XKR9: variants seen among roughly 807,000 people sequenced by gnomAD.
XKR9 encodes XK-related protein 9.
XKR9 carries 32 observed loss-of-function variants against 32.0 expected under a neutral mutation model. The ratio of observed to expected loss-of-function variants is 1.00; its 90% CI spans 0.76 to 1.34. The LOEUF (loss-of-function observed/expected upper bound fraction) is 1.34, where lower values mean the gene tolerates loss of function less well. Ranked by LOEUF, XKR9 falls within the 40% of genes most tolerant of loss-of-function variation. The pLI is 0.00. For missense variants in XKR9, 546 were observed against 429.7 expected, an observed-to-expected ratio of 1.27 and a Z score of -2.39; for synonymous variants, 168 against 143.4, an observed-to-expected ratio of 1.17 and a Z score of -1.22.
intron 2 of XKR9, among the ~76,000 whole-genome samples, chr8:70,775,022 G>T (rs1479900901): frequency 6.6e-6 from 1 of 151,950 alleles, no homozygotes; most frequent in Non-Finnish European, 1.5e-5. Flanking sequence ...TCTCAGCCAT[G>T]TTTTATAATT....
At chr8:70,914,961 C>A in the XKR9 span, among the ~76,000 whole-genome samples, 1 of 152,072 alleles carries the variant, frequency 6.6e-6, no homozygotes, top group Non-Finnish European at 1.5e-5. Flanking sequence ...AGTTATTATT[C>A]AAAACAGTCT....
chr8:70,738,597 G>T (rs1432631664), downstream of XKR9, among the ~76,000 whole-genome samples: 1 of 151,702 alleles, frequency 6.6e-6, no homozygotes, highest in Non-Finnish European at 1.5e-5. Context: ...GCTTTCTCTT[G>T]TGGGCATTTA....
the XKR9 span, among the ~76,000 whole-genome samples, chr8:70,929,250 G>T: frequency 6.6e-6 from 1 of 152,066 alleles, no homozygotes; most frequent in Non-Finnish European, 1.5e-5. Context: ...GACACAAGGG[G>T]CTATCGAGCA....
intron 2 of XKR9, among the ~76,000 whole-genome samples, chr8:70,784,845 C>A (rs1807662199): frequency 6.6e-6 from 1 of 151,536 alleles, no homozygotes; most frequent in Non-Finnish European, 1.5e-5. Flanking sequence ...CATATATGGA[C>A]TTCATTGTGT....
intron 4 of XKR9, among the ~76,000 whole-genome samples, chr8:70,732,130 A>T (rs1563456197): frequency 6.6e-6 from 1 of 152,134 alleles, no homozygotes; most frequent in South Asian, 2.1e-4. Context: ...GAACTGAGAT[A>T]GACACCCCAT....
the XKR9 span, among the ~76,000 whole-genome samples, chr8:70,925,834 A>G: frequency 1.3e-5 from 2 of 152,236 alleles, no homozygotes; most frequent in African/African-American, 4.8e-5. Flanking sequence ...GATAGGGCAC[A>G]GGAAGGAGGA....
At chr8:70,770,951 C>A (rs1807446039) in intron 2 of XKR9, among the ~76,000 whole-genome samples, 1 of 152,318 alleles carries the variant, frequency 6.6e-6, no homozygotes, top group East Asian at 1.9e-4. Context: ...CCAGGCACCA[C>A]TGGGGTACAG....
intron 2 of XKR9, among the ~76,000 whole-genome samples, chr8:70,776,078 C>T (rs1159648926): frequency 6.6e-6 from 1 of 152,022 alleles, no homozygotes; most frequent in Non-Finnish European, 1.5e-5. Flanking sequence ...GTTTTTGCCT[C>T]ATATTGGTAT....
At chr8:70,886,309 A>G in the XKR9 span, among the ~76,000 whole-genome samples, 15 of 152,288 alleles carry the variant, frequency 9.8e-5, no homozygotes, top group East Asian at 2.9e-3. Flanking sequence ...ATTTGGGTTG[A>G]TTCCAAGTCT....
At chr8:70,793,305 G>C (rs1330713635), downstream of XKR9, among the ~76,000 whole-genome samples, 2 of 152,040 alleles carry the variant, frequency 1.3e-5, no homozygotes, top group Non-Finnish European at 2.9e-5. Context: ...ATTAAGAAGT[G>C]ATTGGGTCAT....
At chr8:70,878,203 G>A in the XKR9 span, among the ~76,000 whole-genome samples, 1 of 152,124 alleles carries the variant, frequency 6.6e-6, no homozygotes, top group Non-Finnish European at 1.5e-5. Flanking sequence ...GCAAAAATAG[G>A]CCAATTTGTA....
chr8:70,678,984 G>T lies in XKR9; in HGVS notation c.-278-1797G>T, dbSNP rs145733042. Among the ~76,000 whole-genome samples the T allele has an allele frequency of 1.0e-3, 158 of 152,278 alleles. 2 individuals carry two copies. The highest frequency in any genetic ancestry group is 3.6e-3 in the African/African-American group (148 of 41,556). ...CACAGACTTATTAGCTTAAACAATAGAAATTTATTTTTTGACAGTTCTGGA... is the reference window on the plus strand; with the variant it reads ...CACAGACTTATTAGCTTAAACAATATAAATTTATTTTTTGACAGTTCTGGA... On this transcript the variant is annotated intron_variant, in intron 2 of 4. Transcript: ENST00000408926.
chr8:70,994,332 GC>G, the XKR9 span, among the ~76,000 whole-genome samples: 1 of 152,008 alleles, frequency 6.6e-6, no homozygotes, highest in Non-Finnish European at 1.5e-5. Context: ...GCCTGAGAAA[GC>G]TTTTTTTTTC....
the XKR9 span, among the ~76,000 whole-genome samples, chr8:70,987,038 C>T: frequency 2.0e-5 from 3 of 152,294 alleles, no homozygotes; most frequent in Non-Finnish European, 4.4e-5. Context: ...TATTCATTAC[C>T]ATGAGAACAG....
At chr8:70,791,346 G>C (rs1447127595), downstream of XKR9, among the ~76,000 whole-genome samples, 1 of 151,556 alleles carries the variant, frequency 6.6e-6, no homozygotes, top group East Asian at 1.9e-4. Flanking sequence ...TCAATCAATG[G>C]CATATTTTTC....
At chr8:70,880,179 CA>C in the XKR9 span, among the ~76,000 whole-genome samples, 1 of 152,130 alleles carries the variant, frequency 6.6e-6, no homozygotes. Context: ...ACTGAATGGG[CA>C]AAAACTGGAA....
At chr8:70,733,276 C>G (rs2132242788) in intron 4 of XKR9, among the ~76,000 whole-genome samples, 1 of 152,128 alleles carries the variant, frequency 6.6e-6, no homozygotes, top group Non-Finnish European at 1.5e-5. Context: ...TGTTTAATAT[C>G]TCATATTAAA....
At chr8:70,954,822 C>T in the XKR9 span, among the ~76,000 whole-genome samples, 1 of 152,166 alleles carries the variant, frequency 6.6e-6, no homozygotes, top group Non-Finnish European at 1.5e-5. Context: ...TTTTACCAGT[C>T]GTTCAGGTAG....
chr8:70,765,820 A>T (rs1444863939), intron 2 of XKR9, among the ~76,000 whole-genome samples: 3 of 152,220 alleles, frequency 2.0e-5, no homozygotes, highest in Non-Finnish European at 4.4e-5. Context: ...AGTTTTCTGC[A>T]TATGGCTAGC....
Sources: gnomAD v4.1 joint callset for allele counts (sites outside exome capture counted in the v4.1 genomes callset) on GRCh38, gnomAD v4.1.1 for gene constraint, MANE v1.5 for transcripts, NCBI Gene and HGNC (gene_info 2026-07-23, HGNC 2026-07-21) for gene names.